DYSF: variants seen among roughly 807,000 people sequenced by gnomAD.
The protein encoded by DYSF is dysferlin.
A neutral mutation model predicts 274.9 loss-of-function variants in DYSF; 212 were observed. The ratio of observed to expected loss-of-function variants is 0.77; its 90% CI spans 0.69 to 0.86. The LOEUF (loss-of-function observed/expected upper bound fraction) is 0.86, where lower values mean the gene tolerates loss of function less well. DYSF is among the 40% of genes least tolerant of loss of function. The probability of loss-of-function intolerance (pLI) is 0.00; values close to 1 mark genes in which losing one functional copy is unlikely to be tolerated. For missense variants in DYSF, 2,666 were observed against 2,783.2 expected, an observed-to-expected ratio of 0.96 and a Z score of 0.95; for synonymous variants, 1,091 against 1,078.7, an observed-to-expected ratio of 1.01 and a Z score of -0.22.
rs148652047 is a variant in DYSF at position 71,553,926 on chromosome 2, C to T, written c.2104C>T (p.Arg702Trp). 1.5e-4 allele frequency: 243 copies of T among 1,614,158 alleles called. No homozygotes were observed. The highest frequency in any genetic ancestry group is 2.8e-4 in the African/African-American group (21 of 75,042). ...TQNQLLGIAD[R>W]LEAGLEQVHL... Reference sequence around the variant, plus strand: ...GAACCAGCTGCTTGGGATTGCTGACCGGCTGGTGAGTGAAAACTTGCCCAA... The same window carrying T: ...GAACCAGCTGCTTGGGATTGCTGACTGGCTGGTGAGTGAAAACTTGCCCAA... Residue 702 changes from arginine (R) to tryptophan (W), a missense_variant, in exon 21 of 56, where the codon CGG becomes TGG. By Grantham distance (101) the Arg-to-Trp change is moderately radical. Coordinates refer to ENST00000410020, the MANE Select transcript of DYSF (RefSeq NM_001130987.2).
rs531750777 is a variant in DYSF at position 71,571,590 on chromosome 2, C to T, written c.3228+849C>T. On this transcript the variant is annotated intron_variant, in intron 29 of 55. Transcript: ENST00000410020. The stretch of plus-strand genomic sequence containing the variant: ...ACACCCACCACACACAGATCACACC[C>T]AGCACACACAGCTCACACCCAGCAC... 4.9e-5 allele frequency among the ~76,000 whole-genome samples: 7 copies of T among 142,310 alleles called. No homozygotes were observed. The East Asian group carries it at 1.5e-3, about 31-fold the overall frequency. 93.4% of individuals were successfully genotyped at this position (142,310 alleles called of 152,430 possible).
At chr2:71,641,958 T>A (rs2094492533) in intron 41 of DYSF, among the ~76,000 whole-genome samples, 1 of 152,212 alleles carries the variant, frequency 6.6e-6, no homozygotes, top group Non-Finnish European at 1.5e-5. Context: ...AGAAGGTATA[T>A]CTTCTGTTTT....
chr2:71,511,363 G>A (rs1439746863), intron 4 of DYSF, among the ~76,000 whole-genome samples: 1 of 152,222 alleles, frequency 6.6e-6, no homozygotes, highest in Non-Finnish European at 1.5e-5. Flanking sequence ...TGAGCAGAGT[G>A]GCCAAAGGGA....
chr2:71,679,295 T>C (rs2152968022), intron 53 of DYSF, 60 bp downstream of exon 53: 3 of 1,540,202 alleles, frequency 1.9e-6, no homozygotes, highest in Non-Finnish European at 2.7e-6. Flanking sequence ...CCATAGAAAT[T>C]GTCAGAAAAT....
intron 3 of DYSF, among the ~76,000 whole-genome samples, chr2:71,483,027 A>G (rs746907995): frequency 5.3e-5 from 8 of 152,072 alleles, no homozygotes; most frequent in Non-Finnish European, 1.0e-4. Context: ...GGGAAGGGCA[A>G]TCAGGGTCTC....
At chr2:71,630,755 T>C (rs2152907781) in intron 41 of DYSF, among the ~76,000 whole-genome samples, 1 of 152,308 alleles carries the variant, frequency 6.6e-6, no homozygotes, top group East Asian at 1.9e-4. Context: ...TCTCCAAAGG[T>C]AGGGGCAGCT....
In DYSF at chr2:71,564,251, T is replaced by TC. The variant is rs532981067; in HGVS notation, c.2565+41dup. On this transcript the variant is annotated intron_variant, in intron 24 of 55. Coordinates refer to ENST00000410020, the MANE Select transcript of DYSF (RefSeq NM_001130987.2). Reference sequence around the variant, plus strand: ...TTTTCCCAAGTCATGATCGTATTTTTCCCAACATAAGGCCTTTCTCCCATC... The same window carrying TC: ...TTTTCCCAAGTCATGATCGTATTTTTCCCCAACATAAGGCCTTTCTCCCATC... 1.9e-3 allele frequency: 3,004 copies of TC among 1,613,854 alleles called. 8 individuals are homozygous for TC. Among genetic ancestry groups the TC allele is most frequent in the Middle Eastern group, 5.6e-3 (34 of 6,062 alleles).
Position 71,669,521 on chromosome 2 carries a change from A to G in DYSF, c.5643-84A>G, listed in dbSNP as rs2095081487. 23 of 1,552,384 alleles carry G rather than the reference A, an allele frequency of 1.5e-5. No individual in the cohort carries two copies. In the South Asian group the frequency reaches 2.5e-4, roughly 17 times the overall value. ...TGCGATAAGCTCATTTACCTTCTTA[A>G]CTCCTTGTCTGCCTAAGTTGACGAT... On this transcript the variant is annotated intron_variant, in intron 50 of 55. Transcript: ENST00000410020.
intron 51 of DYSF, among the ~76,000 whole-genome samples, chr2:71,670,115 C>T (rs1573103029): frequency 6.6e-6 from 1 of 152,228 alleles, no homozygotes; most frequent in East Asian, 1.9e-4. Flanking sequence ...CCCAAAGCCA[C>T]CTCCACCATC....
intron 45 of DYSF, among the ~76,000 whole-genome samples, chr2:71,663,694 T>TCTC (rs983526187): frequency 6.6e-6 from 1 of 152,194 alleles, no homozygotes; most frequent in African/African-American, 2.4e-5. Context: ...CAGCAAGAGC[T>TCTC]CTCGCCAGAG....
At chr2:71,602,436 G>T (rs1191651037) in intron 35 of DYSF, among the ~76,000 whole-genome samples, 5 of 152,106 alleles carry the variant, frequency 3.3e-5, no homozygotes, top group East Asian at 1.9e-4. Context: ...AAGGCCACAG[G>T]CTCCCAAGCC....
At chr2:71,507,087 G>A (rs549795826) in intron 4 of DYSF, among the ~76,000 whole-genome samples, 6 of 152,258 alleles carry the variant, frequency 3.9e-5, no homozygotes, top group South Asian at 4.1e-4. Flanking sequence ...TCTGCATCCC[G>A]GAGAGGGCTG....
intron 3 of DYSF, among the ~76,000 whole-genome samples, chr2:71,490,247 G>T (rs1269364535): frequency 6.6e-6 from 1 of 152,156 alleles, no homozygotes. Flanking sequence ...TTCTCAAAAA[G>T]TTATAAAGGA....
chr2:71,486,981 C>T (rs2083419413), intron 3 of DYSF, among the ~76,000 whole-genome samples: 1 of 152,176 alleles, frequency 6.6e-6, no homozygotes, highest in Non-Finnish European at 1.5e-5. Flanking sequence ...AATAGAATCA[C>T]CTGGGCAGCT....
Position 71,502,304 on chromosome 2 carries a change from C to G in DYSF, c.240-910C>G, listed in dbSNP as rs192064748. 2.5e-3 allele frequency among the ~76,000 whole-genome samples: 377 copies of G among 152,110 alleles called. 3 individuals are homozygous for G. Among genetic ancestry groups the G allele is most frequent in the African/African-American group, 8.6e-3 (357 of 41,474 alleles). ...CCAGATGACAGGTGTGCTGTTCATC[C>G]ATCAGGAAAAAGCAGTTAATAAGTA... On this transcript the variant is annotated intron_variant, in intron 3 of 55. Transcript: ENST00000410020.
intron 52 of DYSF, among the ~76,000 whole-genome samples, chr2:71,676,438 G>A (rs2095223517): frequency 6.6e-6 from 1 of 151,804 alleles, no homozygotes; most frequent in African/African-American, 2.4e-5. Flanking sequence ...TCATGGTTTT[G>A]CAATATTCAT....
At chr2:71,536,007 A>G (rs1341876318) in intron 16 of DYSF, among the ~76,000 whole-genome samples, 1 of 152,180 alleles carries the variant, frequency 6.6e-6, no homozygotes, top group Non-Finnish European at 1.5e-5. Context: ...AGCTAGCTGG[A>G]AAGTAGCTGA....
upstream of DYSF, among the ~76,000 whole-genome samples, chr2:71,464,250 T>C (rs1329308193): frequency 6.6e-6 from 1 of 152,222 alleles, no homozygotes; most frequent in African/African-American, 2.4e-5. Flanking sequence ...AAAGAATTTA[T>C]GGAGACCATG....
chr2:71,565,264 T>TTTTTTTTTA (rs1314862984), intron 24 of DYSF, among the ~76,000 whole-genome samples: 2 of 148,782 alleles, frequency 1.3e-5, no homozygotes, highest in African/African-American at 5.0e-5. Flanking sequence ...TTTTTTTTTT[T>TTTTTTTTTA]AATTTTAGTG....
Sources: gnomAD v4.1 joint callset for allele counts (sites outside exome capture counted in the v4.1 genomes callset) on GRCh38, gnomAD v4.1.1 for gene constraint, MANE v1.5 for transcripts, NCBI Gene and HGNC (gene_info 2026-07-23, HGNC 2026-07-21) for gene names.